The following RAD51B variants were observed in gnomAD, a reference collection of about 807,000 sequenced individuals.
RAD51B encodes the protein RAD51 paralog B, also known as DNA repair protein RAD51 homolog 2.
In RAD51B, 38 loss-of-function variants were observed where a neutral mutation model predicts 42.2. That is an observed-to-expected ratio of 0.90 (90% CI 0.70 to 1.18). The LOEUF is 1.18. Among genes scored for constraint, RAD51B ranks in the 50% most tolerant of loss-of-function variants. The probability of loss-of-function intolerance (pLI) is 0.00; values close to 1 mark genes in which losing one functional copy is unlikely to be tolerated. For missense variants in RAD51B, 373 were observed against 400.7 expected, an observed-to-expected ratio of 0.93 and a Z score of 0.59; for synonymous variants, 154 against 145.2, an observed-to-expected ratio of 1.06 and a Z score of -0.43.
At chr14:68,444,578 A>G (rs1329724269) in intron 9 of RAD51B, among the ~76,000 whole-genome samples, 1 of 152,216 alleles carries the variant, frequency 6.6e-6, no homozygotes, top group Admixed American at 6.5e-5. Context: ...TAGACTCAGC[A>G]GTGGTGGCAT....
chr14:67,827,392 C>A (rs1365234901), intron 3 of RAD51B, among the ~76,000 whole-genome samples: 1 of 152,132 alleles, frequency 6.6e-6, no homozygotes, highest in African/African-American at 2.4e-5. Flanking sequence ...AAGAAACCAT[C>A]TTTCTCCTAT....
At chr14:67,891,098 G>A (rs2043205817) in intron 7 of RAD51B, among the ~76,000 whole-genome samples, 1 of 152,026 alleles carries the variant, frequency 6.6e-6, no homozygotes. Context: ...GTTGTTATAT[G>A]AATAATATTG....
chr14:67,933,900 A>G (rs1435130837), intron 7 of RAD51B, among the ~76,000 whole-genome samples: 4 of 152,222 alleles, frequency 2.6e-5, no homozygotes, highest in African/African-American at 7.2e-5. Context: ...GAGTCAGGCA[A>G]TGCCTATACC....
At chr14:67,900,363 C>T (rs1030278690) in intron 7 of RAD51B, among the ~76,000 whole-genome samples, 2 of 152,074 alleles carry the variant, frequency 1.3e-5, no homozygotes, top group African/African-American at 4.8e-5. Flanking sequence ...AAAATACTTG[C>T]ACTTTAGACC....
At chr14:68,157,461 G>A (rs1418879137) in intron 7 of RAD51B, among the ~76,000 whole-genome samples, 1 of 152,300 alleles carries the variant, frequency 6.6e-6, no homozygotes, top group South Asian at 2.1e-4. Context: ...AAAAGGTATG[G>A]AATTAGGTAG....
At chr14:68,049,769 T>C (rs2076362905) in intron 7 of RAD51B, among the ~76,000 whole-genome samples, 1 of 152,234 alleles carries the variant, frequency 6.6e-6, no homozygotes, top group African/African-American at 2.4e-5. Flanking sequence ...TGCTGCTCAC[T>C]GCCTTAATAC....
At chr14:67,899,338 C>A (rs1013470735) in intron 7 of RAD51B, among the ~76,000 whole-genome samples, 2 of 152,052 alleles carry the variant, frequency 1.3e-5, no homozygotes, top group Non-Finnish European at 2.9e-5. Context: ...TGTGAGCCAC[C>A]ACACCCGGCC....
At chr14:68,554,876 T>A (rs181040303) in intron 10 of RAD51B, among the ~76,000 whole-genome samples, 1 of 149,916 alleles carries the variant, frequency 6.7e-6, no homozygotes, top group Non-Finnish European at 1.5e-5. Flanking sequence ...TTTTTGAGAC[T>A]CTCACTCTGT....
intron 10 of RAD51B, among the ~76,000 whole-genome samples, chr14:68,500,745 T>C (rs1466568174): frequency 1.3e-5 from 2 of 152,182 alleles, no homozygotes; most frequent in Admixed American, 6.5e-5. Flanking sequence ...CTCAGCCTTG[T>C]TGGGAAAAGA....
intron 8 of RAD51B, among the ~76,000 whole-genome samples, chr14:68,304,724 T>G (rs1185339671): frequency 6.6e-6 from 1 of 152,226 alleles, no homozygotes. Flanking sequence ...TTAACTTCCC[T>G]GGACCTCAAT....
At chr14:68,579,050 G>C (rs1213834865) in intron 10 of RAD51B, among the ~76,000 whole-genome samples, 3 of 152,156 alleles carry the variant, frequency 2.0e-5, no homozygotes, top group Non-Finnish European at 4.4e-5. Context: ...GGGCCCAGAA[G>C]GGTCTCCTGG....
intron 7 of RAD51B, among the ~76,000 whole-genome samples, chr14:68,034,417 G>A (rs1425850852): frequency 6.6e-6 from 1 of 152,022 alleles, no homozygotes; most frequent in African/African-American, 2.4e-5. Flanking sequence ...GACTACAGGT[G>A]CTTGCCACCA....
At chr14:67,930,930 C>CT (rs1224039819) in intron 7 of RAD51B, among the ~76,000 whole-genome samples, 1,173 of 86,202 alleles carry the variant, frequency 0.014, 18 homozygotes, top group African/African-American at 0.048. Context: ...TTTTTTTTTT[C>CT]TTTTTTTTGA....
exon 11 of RAD51B, chr14:68,611,378 ATGTCTCCAGTG>A: frequency 3.2e-6 from 2 of 631,088 alleles, no homozygotes; most frequent in Non-Finnish European, 2.9e-6. Flanking sequence ...TGGTTTTACA[ATGTCTCCAGTG>A]AAAAAGTTCT....
intron 10 of RAD51B, among the ~76,000 whole-genome samples, chr14:68,582,373 A>G (rs1174038463): frequency 6.6e-6 from 1 of 152,258 alleles, no homozygotes; most frequent in Non-Finnish European, 1.5e-5. Flanking sequence ...TCAAAAGAAG[A>G]CATTTATGCG....
intron 7 of RAD51B, among the ~76,000 whole-genome samples, chr14:68,264,110 A>C (rs182786821): frequency 6.4e-4 from 98 of 152,316 alleles, no homozygotes; most frequent in Non-Finnish European, 1.1e-3. Context: ...ACTTCCTCAG[A>C]ATTCACTGAA....
At chr14:67,936,087 A>G (rs1476568269) in intron 7 of RAD51B, among the ~76,000 whole-genome samples, 2 of 152,216 alleles carry the variant, frequency 1.3e-5, no homozygotes, top group East Asian at 1.9e-4. Flanking sequence ...CAGCTTTTTG[A>G]GATATAATTT....
intron 7 of RAD51B, among the ~76,000 whole-genome samples, chr14:68,194,419 AGT>A (rs1357025690): frequency 6.6e-6 from 1 of 152,286 alleles, no homozygotes; most frequent in South Asian, 2.1e-4. Flanking sequence ...CCCTTGAGGG[AGT>A]GAAAATTGAA....
intron 4 of RAD51B, among the ~76,000 whole-genome samples, chr14:67,843,225 A>G (rs2041492827): frequency 7.0e-6 from 1 of 142,840 alleles, no homozygotes; most frequent in African/African-American, 2.8e-5. Flanking sequence ...ATATGTATAC[A>G]TGTGCCATGT....
Sources: gnomAD v4.1 joint callset for allele counts (sites outside exome capture counted in the v4.1 genomes callset) on GRCh38, gnomAD v4.1.1 for gene constraint, MANE v1.5 for transcripts, NCBI Gene and HGNC (gene_info 2026-07-23, HGNC 2026-07-21) for gene names.